SRRM4: variants seen among roughly 807,000 people sequenced by gnomAD.
The protein encoded by SRRM4 is serine/arginine repetitive matrix 4.
Under a neutral mutation model 68.9 loss-of-function variants are expected in SRRM4, and 33 were observed. That is an observed-to-expected ratio of 0.48 (90% CI 0.36 to 0.64). The LOEUF is 0.64. SRRM4 is among the 30% of genes least tolerant of loss of function. The pLI is 0.00. For missense variants in SRRM4, 817 were observed against 827.1 expected (o/e 0.99, Z 0.15); for synonymous variants, 318 against 318.8 (o/e 1.00, Z 0.03).
At chr12:119,002,239 T>G (rs1251685657) in intron 1 of SRRM4, among the ~76,000 whole-genome samples, 3 of 152,188 alleles carry the variant, frequency 2.0e-5, no homozygotes, top group Non-Finnish European at 4.4e-5. Flanking sequence ...AAAAAAAATT[T>G]TTTTTCAAGT....
intron 1 of SRRM4, among the ~76,000 whole-genome samples, chr12:119,087,113 T>C (rs1233940371): frequency 1.3e-5 from 2 of 152,246 alleles, no homozygotes; most frequent in Admixed American, 6.5e-5. Context: ...ATTCCTTCTC[T>C]ACCACCTTTT....
chr12:119,083,694 C>T (rs1251005040), intron 1 of SRRM4, among the ~76,000 whole-genome samples: 1 of 152,148 alleles, frequency 6.6e-6, no homozygotes, highest in Admixed American at 6.5e-5. Flanking sequence ...CCAAGATGGC[C>T]AGGGACATTT....
intron 1 of SRRM4, among the ~76,000 whole-genome samples, chr12:119,029,354 G>A (rs908308065): frequency 6.6e-6 from 1 of 152,232 alleles, no homozygotes; most frequent in Non-Finnish European, 1.5e-5. Context: ...GCAAGCATGT[G>A]AGCAAACAGA....
intron 1 of SRRM4, among the ~76,000 whole-genome samples, chr12:119,049,653 C>T (rs1322885678): frequency 6.6e-6 from 1 of 152,156 alleles, no homozygotes; most frequent in African/African-American, 2.4e-5. Context: ...TCTAGAACTA[C>T]CATGACAAAA....
intron 3 of SRRM4, among the ~76,000 whole-genome samples, chr12:119,114,660 CTTTTTT>C (rs68020424): frequency 9.9e-6 from 1 of 101,370 alleles, no homozygotes; most frequent in Non-Finnish European, 2.0e-5. Flanking sequence ...GAAGCATAGT[CTTTTTT>C]TTTTTTTTTT....
intron 1 of SRRM4, among the ~76,000 whole-genome samples, chr12:119,028,374 A>G (rs572500718): frequency 1.3e-4 from 20 of 152,106 alleles, no homozygotes; most frequent in Non-Finnish European, 1.9e-4. Flanking sequence ...TAATTGAATC[A>G]TGGGGGCAGG....
Position 119,156,475 on chromosome 12 carries a change from CCTCTCTCTGGTCT to C in SRRM4, c.1533-17_1533-5del. On this transcript the variant is annotated splice_region_variant and splice_polypyrimidine_tract_variant and intron_variant, in intron 12 of 12. Transcript: ENST00000267260. ...CACGGAGGGGCCGGCCCTCATCCCT[CCTCTCTCTGGTCT>C]CTGCAGTGCCCGGAAACGCCCCATC... The C allele has an allele frequency of 6.4e-7, 1 of 1,572,428 alleles. No homozygotes were observed. The highest frequency in any genetic ancestry group is 8.6e-7 in the Non-Finnish European group (1 of 1,157,346).
In SRRM4 at chr12:119,060,950, A is replaced by G. The variant is rs568293874; in HGVS notation, c.132-41286A>G. Among the ~76,000 whole-genome samples the G allele has an allele frequency of 3.3e-5, 5 of 152,244 alleles. No individual in the cohort carries two copies. The South Asian group carries it at 1.0e-3, about 32-fold the overall frequency. ...CTTTAAGAATGTAGCCCTAAACGAT[A>G]CCACGTCCCTTCCCCACCTCCTCCT... On this transcript the variant is annotated intron_variant, in intron 1 of 12. Coordinates refer to ENST00000267260, the MANE Select transcript of SRRM4 (RefSeq NM_194286.4).
At chr12:119,119,141 A>C (rs980174933) in intron 4 of SRRM4, among the ~76,000 whole-genome samples, 8 of 150,280 alleles carry the variant, frequency 5.3e-5, no homozygotes, top group African/African-American at 2.0e-4. Flanking sequence ...TGCTGCACTT[A>C]ATACCTAGGT....
At chr12:119,072,837 C>T (rs548279999) in intron 1 of SRRM4, among the ~76,000 whole-genome samples, 3 of 152,158 alleles carry the variant, frequency 2.0e-5, no homozygotes, top group Non-Finnish European at 4.4e-5. Flanking sequence ...TGTGAGTTGG[C>T]CATGATTCCT....
intron 1 of SRRM4, among the ~76,000 whole-genome samples, chr12:119,025,630 G>T (rs1314277690): frequency 6.6e-6 from 1 of 151,768 alleles, no homozygotes; most frequent in Non-Finnish European, 1.5e-5. Flanking sequence ...TTTTAGTACA[G>T]ACAGGGTTTC....
At chr12:118,990,977 AT>A (rs1953313084) in intron 1 of SRRM4, among the ~76,000 whole-genome samples, 1 of 151,808 alleles carries the variant, frequency 6.6e-6, no homozygotes, top group African/African-American at 2.4e-5. Flanking sequence ...TAATTTTTGT[AT>A]TTTTTTAGTA....
intron 1 of SRRM4, among the ~76,000 whole-genome samples, chr12:119,043,809 A>ACACACACACACACAC (rs1555215467): frequency 1.2e-4 from 7 of 57,250 alleles, no homozygotes; most frequent in South Asian, 4.0e-4. Context: ...CACACACACA[A>ACACACACACACACAC]GTCTTGGGCA....
chr12:119,010,846 C>T (rs890707377), intron 1 of SRRM4, among the ~76,000 whole-genome samples: 7 of 152,062 alleles, frequency 4.6e-5, no homozygotes, highest in Admixed American at 3.3e-4. Flanking sequence ...TACAATACAA[C>T]AGTTGAAAAA....
chr12:119,121,344 G>C (rs1248750816), intron 5 of SRRM4, among the ~76,000 whole-genome samples: 1 of 152,134 alleles, frequency 6.6e-6, no homozygotes, highest in Non-Finnish European at 1.5e-5. Flanking sequence ...CTACCAAATA[G>C]TGTGTTCATC....
chr12:119,045,021 G>A (rs905838956), intron 1 of SRRM4, among the ~76,000 whole-genome samples: 7 of 152,158 alleles, frequency 4.6e-5, no homozygotes, highest in Admixed American at 1.3e-4. Flanking sequence ...GATTGTTCAC[G>A]AGAATCAATT....
intron 1 of SRRM4, among the ~76,000 whole-genome samples, chr12:119,013,903 C>T (rs1343891159): frequency 6.7e-6 from 1 of 150,106 alleles, no homozygotes; most frequent in Non-Finnish European, 1.5e-5. Context: ...GTCTCATTGC[C>T]CACCCCAAAG....
intron 1 of SRRM4, among the ~76,000 whole-genome samples, chr12:119,050,158 A>G (rs1459283620): frequency 1.3e-5 from 2 of 152,156 alleles, no homozygotes; most frequent in Admixed American, 1.3e-4. Context: ...ACCCTCTCCC[A>G]CAATCTTTAG....
At chr12:119,148,935 G>A (rs767062497) in intron 9 of SRRM4, among the ~76,000 whole-genome samples, 3 of 152,210 alleles carry the variant, frequency 2.0e-5, no homozygotes, top group Non-Finnish European at 4.4e-5. Context: ...CTGAAGGTAG[G>A]GAGCTGGTGA....
Sources: allele counts gnomAD v4.1 joint callset (sites outside exome capture counted in the v4.1 genomes callset), GRCh38; gene constraint gnomAD v4.1.1; transcripts MANE v1.5; gene names NCBI Gene and HGNC (gene_info 2026-07-23, HGNC 2026-07-21).